Variants in USP13 observed in about 807,000 individuals in gnomAD.
USP13 encodes ubiquitin specific peptidase 13, also known as ubiquitin carboxyl-terminal hydrolase 13.
USP13 carries 68 observed loss-of-function variants against 107.8 expected under a neutral mutation model. That is an observed-to-expected ratio of 0.63 (90% CI 0.52 to 0.77). USP13 has a LOEUF of 0.77. USP13 is among the 30% of genes least tolerant of loss of function. The pLI, the probability that USP13 is intolerant of heterozygous loss-of-function variation, is 0.00. For missense variants in USP13, 945 were observed against 1,093.3 expected, an observed-to-expected ratio of 0.86 and a Z score of 1.91; for synonymous variants, 377 against 389.5, an observed-to-expected ratio of 0.97 and a Z score of 0.38.
In USP13 at chr3:179,689,083, C is replaced by CA. The variant is rs562334351; in HGVS notation, c.295-1157dup. ...AATGTGAGAAAGCAGACTTAGGACT[C>CA]ATGAGAGGACAAACTGAGAAGCAGA... On this transcript the variant is annotated intron_variant, in intron 2 of 20. Coordinates refer to ENST00000263966, the MANE Select transcript of USP13 (RefSeq NM_003940.3). 6.8e-4 allele frequency among the ~76,000 whole-genome samples: 104 copies of CA among 152,304 alleles called. No homozygotes were observed. In the East Asian group the frequency reaches 0.019, roughly 28 times the overall value.
chr3:179,682,562 A>G (rs1282234433), intron 2 of USP13, among the ~76,000 whole-genome samples: 2 of 152,180 alleles, frequency 1.3e-5, no homozygotes, highest in African/African-American at 4.8e-5. Flanking sequence ...TCATACGCCT[A>G]ACTATAATTC....
intron 10 of USP13, among the ~76,000 whole-genome samples, chr3:179,732,916 A>G (rs1030856891): frequency 2.6e-5 from 4 of 152,174 alleles, no homozygotes; most frequent in Non-Finnish European, 4.4e-5. Flanking sequence ...CTCTGGATCA[A>G]GGTATGTGAC....
chr3:179,690,192 A>T (rs771867581), intron 2 of USP13, 49 bp from the exon 3 acceptor site: 1 of 1,555,906 alleles, frequency 6.4e-7, no homozygotes, highest in South Asian at 1.1e-5. Context: ...CCTCACAAAG[A>T]TGTTTATTTT....
intron 1 of USP13, among the ~76,000 whole-genome samples, chr3:179,677,564 G>T (rs568842095): frequency 2.0e-4 from 30 of 151,634 alleles, no homozygotes; most frequent in Admixed American, 7.2e-4. Flanking sequence ...TGGGCAACAA[G>T]AACAAAATTC....
At chr3:179,728,390 C>T (rs1446333159) in intron 8 of USP13, among the ~76,000 whole-genome samples, 12 of 149,276 alleles carry the variant, frequency 8.0e-5, no homozygotes, top group East Asian at 6.1e-4. Flanking sequence ...GATGGGCGGC[C>T]GGGCAGAGAC....
chr3:179,701,081 A>ACTAT lies in USP13; in HGVS notation c.429_430insCTAT (p.Asp144LeufsTer2), dbSNP rs1712499947. 2 of 1,614,082 alleles carry ACTAT rather than the reference A, an allele frequency of 1.2e-6. No individual in the cohort carries two copies. Among genetic ancestry groups the ACTAT allele is most frequent in the East Asian group, 4.5e-5 (2 of 44,890 alleles). On this transcript the variant is annotated frameshift_variant, in exon 4 of 21. Coordinates refer to ENST00000263966, the MANE Select transcript of USP13 (RefSeq NM_003940.3). LOFTEE classifies it high-confidence loss of function. ...ATGAAGCCAAACTTGTTATATTCCCAGATCACTATGAAATAGCACTACCAA... is the reference window on the plus strand; with the variant it reads ...ATGAAGCCAAACTTGTTATATTCCCACTATGATCACTATGAAATAGCACTACCAA...
chr3:179,700,968 T>C, intron 3 of USP13, 40 bp from the exon 4 acceptor site: 1 of 1,590,042 alleles, frequency 6.3e-7, no homozygotes, highest in Non-Finnish European at 8.5e-7. Context: ...GGGATATTAT[T>C]TTCCTCACTT....
At chr3:179,752,181 T>C in intron 13 of USP13, 104 bp from the exon 14 acceptor site, 2 of 943,204 alleles carry the variant, frequency 2.1e-6, no homozygotes, top group Non-Finnish European at 3.3e-6. Flanking sequence ...AGTTCAGCCA[T>C]TGGAATGGCC....
intron 1 of USP13, among the ~76,000 whole-genome samples, chr3:179,665,278 A>G (rs1481053039): frequency 6.6e-6 from 1 of 152,134 alleles, no homozygotes; most frequent in Admixed American, 6.5e-5. Flanking sequence ...GCTAATTTCA[A>G]GTGTCTATTA....
intron 6 of USP13, among the ~76,000 whole-genome samples, chr3:179,711,143 T>C (rs1235478316): frequency 6.6e-6 from 1 of 152,250 alleles, no homozygotes; most frequent in Admixed American, 6.5e-5. Flanking sequence ...GAACTTAATT[T>C]TTTTAGCTTT....
rs1711551453 is a variant in USP13 at position 179,678,715 on chromosome 3, C to A, written c.169-3163C>A. Among the ~76,000 whole-genome samples the A allele has an allele frequency of 6.6e-6, 1 of 152,176 alleles. No individual in the cohort carries two copies. The highest frequency in any genetic ancestry group is 2.1e-4 in the South Asian group (1 of 4,832). ...GCTCAAACAATCTGCCTGCCTCAGCCTCCCAAAATGCTGGGATTGGATGCT... is the reference window on the plus strand; with the variant it reads ...GCTCAAACAATCTGCCTGCCTCAGCATCCCAAAATGCTGGGATTGGATGCT... On this transcript the variant is annotated intron_variant, in intron 1 of 20. Transcript: ENST00000263966. This position sits in a 1 kb window ranked among gnomAD's most constrained non-coding sequence, Gnocchi z 4.2.
intron 6 of USP13, among the ~76,000 whole-genome samples, chr3:179,714,691 C>T (rs1713044893): frequency 1.3e-5 from 2 of 152,048 alleles, no homozygotes; most frequent in South Asian, 4.1e-4. Flanking sequence ...AGTTTGAGAC[C>T]AGCCTGGGCA....
chr3:179,691,430 C>G lies in USP13; in HGVS notation c.355+1129C>G, dbSNP rs370988707. On this transcript the variant is annotated intron_variant, in intron 3 of 20. Transcript: ENST00000263966. The stretch of plus-strand genomic sequence containing the variant: ...GTCAGTTATTTTGTAGACTAGACCT[C>G]AGTTTGGCTTTATCTGATGTTTTCT... 3.3e-3 allele frequency among the ~76,000 whole-genome samples: 495 copies of G among 152,240 alleles called. 1 individual carries two copies. The highest frequency in any genetic ancestry group is 0.011 in the African/African-American group (459 of 41,538).
At chr3:179,763,251 A>C (rs746736058) in intron 17 of USP13, among the ~76,000 whole-genome samples, 5 of 151,498 alleles carry the variant, frequency 3.3e-5, no homozygotes, top group Middle Eastern at 3.5e-3. Context: ...TTTTTCTTTT[A>C]TCACTTGTGC....
chr3:179,728,603 C>CT (rs1713663415), intron 8 of USP13, among the ~76,000 whole-genome samples: 1 of 151,754 alleles, frequency 6.6e-6, no homozygotes, highest in Non-Finnish European at 1.5e-5. Context: ...AGGCTGCAAT[C>CT]TCAGCACTTT....
chr3:179,669,296 A>G (rs1720676203), intron 1 of USP13, among the ~76,000 whole-genome samples: 1 of 152,134 alleles, frequency 6.6e-6, no homozygotes, highest in Admixed American at 6.5e-5. Flanking sequence ...CTCCATCTCT[A>G]CTAAAAATAC....
intron 3 of USP13, among the ~76,000 whole-genome samples, chr3:179,690,519 A>G (rs1202434231): frequency 6.6e-6 from 1 of 152,152 alleles, no homozygotes; most frequent in East Asian, 1.9e-4. Flanking sequence ...AAGCAATTAT[A>G]CTTACAGTGA....
intron 19 of USP13, among the ~76,000 whole-genome samples, chr3:179,781,190 A>G (rs1260013472): frequency 6.6e-6 from 1 of 152,240 alleles, no homozygotes; most frequent in South Asian, 2.1e-4. Context: ...CGTTATAATC[A>G]TGAGCAAGTG....
intron 3 of USP13, among the ~76,000 whole-genome samples, chr3:179,694,625 C>T (rs1712222861): frequency 6.6e-6 from 1 of 151,914 alleles, no homozygotes; most frequent in African/African-American, 2.4e-5. Context: ...CGTGGTGAAA[C>T]CCTGTCTCTA....
Sources: gnomAD v4.1 joint callset for allele counts (sites outside exome capture counted in the v4.1 genomes callset) on GRCh38, gnomAD v4.1.1 for gene constraint, Gnocchi (gnomAD v3.1) non-coding constraint, MANE v1.5 for transcripts, NCBI Gene and HGNC (gene_info 2026-07-23, HGNC 2026-07-21) for gene names.